Variants in ADAM18 observed in about 807,000 individuals in gnomAD.
ADAM18 encodes disintegrin and metalloproteinase domain-containing protein 18.
Under a neutral mutation model 94.4 loss-of-function variants are expected in ADAM18, and 117 were observed. The observed-to-expected ratio is 1.24, with a 90% CI of 1.07 to 1.45. The LOEUF is 1.45. Ranked by LOEUF, ADAM18 falls within the 40% of genes most tolerant of loss-of-function variation. The pLI, the probability that ADAM18 is intolerant of heterozygous loss-of-function variation, is 0.00. For missense variants in ADAM18, 936 were observed against 880.0 expected, an observed-to-expected ratio of 1.06 and a Z score of -0.81; for synonymous variants, 327 against 291.6, an observed-to-expected ratio of 1.12 and a Z score of -1.24.
chr8:39,684,488 C>T (rs1821554444), intron 16 of ADAM18, among the ~76,000 whole-genome samples: 1 of 152,182 alleles, frequency 6.6e-6, no homozygotes, highest in South Asian at 2.1e-4. Context: ...TCTGGGCAGC[C>T]CAATCTCAAT....
At chr8:39,628,117 A>G (rs567639691) in intron 6 of ADAM18, among the ~76,000 whole-genome samples, 1 of 152,154 alleles carries the variant, frequency 6.6e-6, no homozygotes, top group African/African-American at 2.4e-5. Flanking sequence ...TAATAATTAT[A>G]TAATTTTGAT....
intron 12 of ADAM18, among the ~76,000 whole-genome samples, chr8:39,652,166 AAC>A (rs1180902907): frequency 1.3e-5 from 2 of 152,162 alleles, no homozygotes; most frequent in African/African-American, 4.8e-5. Flanking sequence ...TGACACCAAA[AAC>A]ACAGACAGCA....
chr8:39,634,466 C>T (rs1210979652), intron 7 of ADAM18, among the ~76,000 whole-genome samples: 1 of 152,172 alleles, frequency 6.6e-6, no homozygotes, highest in African/African-American at 2.4e-5. Context: ...ATGGGCTGCA[C>T]ACAGCAAAGC....
rs1821416651 is a variant in ADAM18 at position 39,680,216 on chromosome 8, G to C, written c.1811G>C (p.Gly604Ala). The C allele has an allele frequency of 1.9e-6, 3 of 1,608,048 alleles. No individual in the cohort carries two copies. The highest frequency in any genetic ancestry group is 2.2e-5 in the South Asian group (2 of 90,128). ...TATGTGGCTGATGGCACCATGTGTGGTCCAGAAATGGTAACAAAATGTGAT... is the reference window on the plus strand; with the variant it reads ...TATGTGGCTGATGGCACCATGTGTGCTCCAGAAATGGTAACAAAATGTGAT... The part of the protein sequence containing the change: ...NAYVADGTMC[G>A]PEMYCVNKTC... Residue 604 changes from glycine to alanine, a missense_variant, in exon 16 of 20, where the codon GGT becomes GCT. Gly to Ala is a moderately conservative substitution (Grantham distance 60). Transcript: ENST00000265707.
chr8:39,595,010 G>C (rs1306172219), intron 2 of ADAM18, among the ~76,000 whole-genome samples: 2 of 151,700 alleles, frequency 1.3e-5, no homozygotes, highest in Non-Finnish European at 2.9e-5. Flanking sequence ...CCGAAGCTCT[G>C]TGCATTTTTT....
intron 14 of ADAM18, among the ~76,000 whole-genome samples, chr8:39,669,091 G>C (rs1279732686): frequency 6.6e-6 from 1 of 151,236 alleles, no homozygotes; most frequent in Non-Finnish European, 1.5e-5. Context: ...ACTTATTTCT[G>C]TTTGAATAGT....
At chr8:39,637,368 A>C (rs371985297) in intron 8 of ADAM18, 33 bp downstream of exon 8, 20 of 1,568,890 alleles carry the variant, frequency 1.3e-5, no homozygotes, top group Non-Finnish European at 1.7e-5. Context: ...TTCCATTTTC[A>C]TGAAAGTTTC....
At chr8:39,719,510 G>C (rs1326804878) in intron 18 of ADAM18, among the ~76,000 whole-genome samples, 1 of 151,090 alleles carries the variant, frequency 6.6e-6, no homozygotes, top group African/African-American at 2.4e-5. Flanking sequence ...CCACTGTTAG[G>C]GGAATAAAAG....
chr8:39,679,536 G>T (rs1821385788), intron 15 of ADAM18, among the ~76,000 whole-genome samples: 1 of 152,162 alleles, frequency 6.6e-6, no homozygotes, highest in Admixed American at 6.5e-5. Flanking sequence ...AAATATACTG[G>T]AAATATCTGT....
At chr8:39,634,298 T>C (rs1201223677) in intron 7 of ADAM18, among the ~76,000 whole-genome samples, 2 of 152,116 alleles carry the variant, frequency 1.3e-5, no homozygotes, top group Non-Finnish European at 1.5e-5. Context: ...TACTTCCACC[T>C]ATAAGTCAAA....
chr8:39,647,688 C>T (rs1249530462), intron 11 of ADAM18, among the ~76,000 whole-genome samples: 5 of 152,132 alleles, frequency 3.3e-5, no homozygotes, highest in African/African-American at 4.8e-5. Flanking sequence ...TGTGGCTTTC[C>T]GCAGTGCATT....
Position 39,694,261 on chromosome 8 carries a change from C to A in ADAM18, c.1902+1581C>A, listed in dbSNP as rs540737596. Among the ~76,000 whole-genome samples the A allele has an allele frequency of 5.3e-5, 8 of 151,044 alleles. 1 individual carries two copies. The South Asian group carries it at 1.7e-3, about 31-fold the overall frequency. On this transcript the variant is annotated intron_variant, in intron 17 of 19. Coordinates refer to ENST00000265707, the MANE Select transcript of ADAM18 (RefSeq NM_014237.3). The stretch of plus-strand genomic sequence containing the variant: ...ATTATAATTTTCAATTAAAATTATT[C>A]TTTTATTTCTAGTTTGTTTTCTATT...
chr8:39,612,029 C>A (rs1016821971), intron 6 of ADAM18, among the ~76,000 whole-genome samples: 8 of 151,054 alleles, frequency 5.3e-5, no homozygotes, highest in African/African-American at 2.0e-4. Context: ...AACTAGAAAA[C>A]AAATAAGAAT....
At chr8:39,672,592 T>C (rs1821184845) in intron 14 of ADAM18, among the ~76,000 whole-genome samples, 1 of 152,128 alleles carries the variant, frequency 6.6e-6, no homozygotes, top group African/African-American at 2.4e-5. Context: ...GTTGTCTCAG[T>C]AAATATCGCA....
chr8:39,629,298 T>C, intron 6 of ADAM18, 76 bp from the exon 7 acceptor site: 1 of 1,154,256 alleles, frequency 8.7e-7, no homozygotes, highest in Non-Finnish European at 1.2e-6. Context: ...TTTTTCGCTG[T>C]CTTTACATGT....
At chr8:39,709,518 T>C (rs1822337363) in intron 18 of ADAM18, among the ~76,000 whole-genome samples, 1 of 152,192 alleles carries the variant, frequency 6.6e-6, no homozygotes, top group Admixed American at 6.5e-5. Flanking sequence ...GGTTCAGCCT[T>C]AGTTGGGGAC....
intron 7 of ADAM18, among the ~76,000 whole-genome samples, chr8:39,632,832 A>G (rs1399248261): frequency 6.6e-6 from 1 of 152,178 alleles, no homozygotes; most frequent in Non-Finnish European, 1.5e-5. Context: ...TTCTTTACAT[A>G]TGATATACAT....
At chr8:39,611,513 A>G in intron 6 of ADAM18, 1 of 985,142 alleles carries the variant, frequency 1.0e-6, no homozygotes, top group Non-Finnish European at 1.2e-6. Flanking sequence ...ATTTGTCTCG[A>G]TTTTGTAGTT....
rs1406072660 is a variant in ADAM18 at position 39,677,318 on chromosome 8, G to A, written c.1526-113G>A. On this transcript the variant is annotated intron_variant, in intron 14 of 19. Coordinates refer to ENST00000265707, the MANE Select transcript of ADAM18 (RefSeq NM_014237.3). ...TGACAGGGTATGCATAGAAACAAAA[G>A]CATGATCAACAAGTACATGATCTTT... 10 of 812,472 alleles carry A rather than the reference G, an allele frequency of 1.2e-5. No homozygotes were observed. In the African/African-American group the frequency reaches 1.4e-4, roughly 12 times the overall value. 50.3% of individuals were successfully genotyped at this position (812,472 alleles called of 1,614,324 possible).
Sources: gnomAD v4.1 joint callset for allele counts (sites outside exome capture counted in the v4.1 genomes callset) on GRCh38, gnomAD v4.1.1 for gene constraint, MANE v1.5 for transcripts, NCBI Gene and HGNC (gene_info 2026-07-23, HGNC 2026-07-21) for gene names.